Variants in DNAH2 observed in about 807,000 individuals in gnomAD.
The protein encoded by DNAH2 is axonemal beta dynein heavy chain 2.
In DNAH2, 323 loss-of-function variants were observed where a neutral mutation model predicts 523.5. That is an observed-to-expected ratio of 0.62 (90% CI 0.56 to 0.68). The LOEUF (loss-of-function observed/expected upper bound fraction) is 0.68, where lower values mean the gene tolerates loss of function less well. Ranked by LOEUF, DNAH2 falls within the 30% of genes least tolerant of loss-of-function variation. The pLI, the probability that DNAH2 is intolerant of heterozygous loss-of-function variation, is 0.00. For missense variants in DNAH2, 4,907 were observed against 5,701.5 expected (o/e 0.86, Z 4.49); for synonymous variants, 2,093 against 2,177.4 (o/e 0.96, Z 1.08).
chr17:7,731,207 C>G (rs2074978376), intron 4 of DNAH2, among the ~76,000 whole-genome samples: 1 of 151,710 alleles, frequency 6.6e-6, no homozygotes, highest in Non-Finnish European at 1.5e-5. Flanking sequence ...TTGGGGAGTG[C>G]TTTAAAATTA....
intron 18 of DNAH2, 107 bp downstream of exon 18, chr17:7,761,039 T>C: frequency 3.7e-6 from 5 of 1,357,216 alleles, no homozygotes; most frequent in Non-Finnish European, 5.1e-6. Flanking sequence ...GAGGATGACA[T>C]GTGTCCTCAA....
In DNAH2 at chr17:7,833,350, G is replaced by A. The variant is rs190305550; in HGVS notation, c.13130-29G>A. 1.4e-3 allele frequency: 2,270 copies of A among 1,612,154 alleles called. 12 individuals are homozygous for A. Among genetic ancestry groups the A allele is most frequent in the Middle Eastern group, 0.01 (57 of 5,554 alleles). ...GCCCTGCTCTCCCGGAGGCTCCAGG[G>A]GTCTGACTTCTCCTCTCCTTTCCCC... On this transcript the variant is annotated intron_variant, in intron 85 of 85. Coordinates refer to ENST00000572933, the MANE Select transcript of DNAH2 (RefSeq NM_020877.5).
In DNAH2 at chr17:7,739,845, A is replaced by G. The variant is rs766965463; in HGVS notation, c.1283A>G (p.Glu428Gly). 1 of 1,613,992 alleles carries G rather than the reference A, an allele frequency of 6.2e-7. No individual in the cohort carries two copies. Among genetic ancestry groups the G allele is most frequent in the Non-Finnish European group, 8.5e-7 (1 of 1,180,016 alleles). Residue 428 changes from glutamate to glycine, a missense_variant, in exon 9 of 86, where the codon GAG becomes GGG. Physicochemically the swap from Glu to Gly is moderately conservative, Grantham distance 98. Coordinates refer to ENST00000572933, the MANE Select transcript of DNAH2 (RefSeq NM_020877.5). ...ATAACACGGAACTTGCTGGAGATTG[A>G]GGACATCTTTCATAAAAATCTGCAC... ...PQITRNLLEI[E>G]DIFHKNLHTL...
Position 7,807,359 on chromosome 17 carries a change from A to G in DNAH2, c.9612+40A>G. 1 of 1,601,532 alleles carries G rather than the reference A, an allele frequency of 6.2e-7. No individual in the cohort carries two copies. The highest frequency in any genetic ancestry group is 8.5e-7 in the Non-Finnish European group (1 of 1,174,046). ...GCTGGGGCGGGGCGGTAGGGAGGGC[A>G]GGCCTGGGGGAGTGCGGATGCACAG... On this transcript the variant is annotated intron_variant, in intron 62 of 85. Coordinates refer to ENST00000572933, the MANE Select transcript of DNAH2 (RefSeq NM_020877.5). The surrounding 1 kb of genome is among the most constrained non-coding windows in gnomAD (Gnocchi z 5.6).
chr17:7,757,358 C>CA (rs200641531), intron 13 of DNAH2, 121 bp downstream of exon 13: 297,116 of 1,007,906 alleles, frequency 0.29, 13,909 homozygotes, highest in Non-Finnish European at 0.31. Context: ...TTTTCCATCT[C>CA]AAAAAAAAAA....
chr17:7,811,289 C>T (rs1309712660), intron 63 of DNAH2, among the ~76,000 whole-genome samples: 1 of 152,140 alleles, frequency 6.6e-6, no homozygotes, highest in Non-Finnish European at 1.5e-5. Context: ...TTGAATATAA[C>T]CCCTAGGGAG....
rs768149061 is a variant in DNAH2 at position 7,819,451 on chromosome 17, G to A, written c.11015+43G>A. On this transcript the variant is annotated intron_variant, in intron 72 of 85. Transcript: ENST00000572933. ...ACATGCCCCAGCCCGGAGGCCGAGT[G>A]GCTGTGGTTCTTCTGGCCACTGCAC... The A allele has an allele frequency of 9.3e-6, 15 of 1,610,410 alleles. 1 individual carries two copies. Among genetic ancestry groups the A allele is most frequent in the South Asian group, 8.8e-5 (8 of 90,974 alleles).
In DNAH2 at chr17:7,818,733, G is replaced by A; in HGVS notation, c.10627G>A (p.Ala3543Thr). Residue 3543 changes from alanine (A) to threonine (T), a missense_variant, in exon 70 of 86, where the codon GCT (alanine) becomes ACT (threonine). Physicochemically the swap from Ala to Thr is moderately conservative, Grantham distance 58. Around this residue, in one of 3 missense-constraint regions of DNAH2, gnomAD observed 1,851 missense variants for 2,139.4 expected, o/e 0.87. Transcript: ENST00000572933. Reference protein sequence around the residue: ...QKDSLVINIAAGKRKLKELED... With the variant: ...QKDSLVINIATGKRKLKELED... Reference sequence around the variant, plus strand: ...GGACTCACTGGTCATCAACATCGCGGCTGGTAAAAGGAAGCTCAAGGAGCT... The same window carrying A: ...GGACTCACTGGTCATCAACATCGCGACTGGTAAAAGGAAGCTCAAGGAGCT... The A allele has an allele frequency of 1.9e-6, 3 of 1,614,068 alleles. No individual in the cohort carries two copies. Among genetic ancestry groups the A allele is most frequent in the Non-Finnish European group, 2.5e-6 (3 of 1,180,006 alleles).
chr17:7,805,227 C>G, intron 60 of DNAH2, 25 bp from the exon 61 acceptor site: 1 of 1,613,384 alleles, frequency 6.2e-7, no homozygotes, highest in Non-Finnish European at 8.5e-7. Flanking sequence ...CTGTCTTACC[C>G]TCACTTTATC....
In DNAH2 at chr17:7,764,746, G is replaced by A. The variant is rs374182207; in HGVS notation, c.3336+473G>A. The stretch of plus-strand genomic sequence containing the variant: ...CAAAGTGCTGGGATTACAGGTGTGA[G>A]CCACCGCACCCAGCTGGATTTACTT... On this transcript the variant is annotated intron_variant, in intron 20 of 85. Transcript: ENST00000572933. 2.0e-4 allele frequency among the ~76,000 whole-genome samples: 29 copies of A among 143,068 alleles called. No individual in the cohort carries two copies. In the East Asian group the frequency reaches 4.5e-3, roughly 22 times the overall value. The allele number at this position is 143,068 out of a possible 152,430, so 93.9% of individuals were successfully genotyped here.
At chr17:7,767,637 A>G (rs1164730214) in intron 22 of DNAH2, among the ~76,000 whole-genome samples, 1 of 140,226 alleles carries the variant, frequency 7.1e-6, no homozygotes, top group African/African-American at 2.7e-5. Flanking sequence ...GGTTCTAGCC[A>G]TCCTAGCGGG....
In DNAH2 at chr17:7,797,846, C is replaced by T. The variant is rs1211325285; in HGVS notation, c.8230+17C>T. 6.3e-7 allele frequency: 1 copy of T among 1,596,882 alleles called. No individual in the cohort carries two copies. The highest frequency in any genetic ancestry group is 8.5e-7 in the Non-Finnish European group (1 of 1,170,678). On this transcript the variant is annotated intron_variant, in intron 53 of 85. Coordinates refer to ENST00000572933, the MANE Select transcript of DNAH2 (RefSeq NM_020877.5). ...TTGAACACAGTGAGCACCTGCCACGCCTATCCCCTTCCCCATCATCTCAGT... is the reference window on the plus strand; with the variant it reads ...TTGAACACAGTGAGCACCTGCCACGTCTATCCCCTTCCCCATCATCTCAGT...
chr17:7,779,549 G>A (rs898902395), intron 36 of DNAH2, 126 bp downstream of exon 36: 3 of 1,062,088 alleles, frequency 2.8e-6, no homozygotes, highest in African/African-American at 1.6e-5. Flanking sequence ...TCTGGCTAAA[G>A]ATAGCAAAGG....
intron 74 of DNAH2, 94 bp downstream of exon 74, chr17:7,823,722 C>CTGG: frequency 6.3e-7 from 1 of 1,577,824 alleles, no homozygotes; most frequent in Non-Finnish European, 8.6e-7. Flanking sequence ...CCTCTCCCAG[C>CTGG]TGGTGCCTGC....
intron 18 of DNAH2, among the ~76,000 whole-genome samples, chr17:7,762,796 G>A (rs2076042585): frequency 6.6e-6 from 1 of 152,004 alleles, no homozygotes; most frequent in Non-Finnish European, 1.5e-5. Context: ...ACACAAAGGG[G>A]CGCTGTAGCA....
chr17:7,770,686 G>A, intron 26 of DNAH2, 47 bp downstream of exon 26: 1 of 1,613,544 alleles, frequency 6.2e-7, no homozygotes, highest in Non-Finnish European at 8.5e-7. Context: ...GTGTGACCCA[G>A]GCTGCAGAGT....
intron 74 of DNAH2, 67 bp downstream of exon 74, chr17:7,823,695 C>A: frequency 6.3e-7 from 1 of 1,587,700 alleles, no homozygotes; most frequent in Non-Finnish European, 8.6e-7. Context: ...GCCGGCCCTT[C>A]CCATTGTCCT....
At chr17:7,729,122 C>CA (rs904951012) in intron 4 of DNAH2, among the ~76,000 whole-genome samples, 5 of 151,500 alleles carry the variant, frequency 3.3e-5, no homozygotes, top group East Asian at 3.9e-4. Flanking sequence ...CAAAAAAACA[C>CA]AAAAAAACCC....
At chr17:7,758,776 CT>C (rs1323212135) in intron 14 of DNAH2, 108 bp from the exon 15 acceptor site, 3 of 1,560,572 alleles carry the variant, frequency 1.9e-6, no homozygotes, top group Non-Finnish European at 2.6e-6. Flanking sequence ...TGGGGAAGGA[CT>C]TTTTTGTGTG....
Sources: gnomAD v4.1 joint callset for allele counts (sites outside exome capture counted in the v4.1 genomes callset) on GRCh38, gnomAD v4.1.1 for gene constraint, gnomAD v4.1.1 regional missense constraint, Gnocchi (gnomAD v3.1) non-coding constraint, MANE v1.5 for transcripts, NCBI Gene and HGNC (gene_info 2026-07-23, HGNC 2026-07-21) for gene names.